DNM3: variants seen among roughly 807,000 people sequenced by gnomAD.
DNM3 encodes dynamin-3.
In DNM3, 47 loss-of-function variants were observed where a neutral mutation model predicts 101.6. That is an observed-to-expected ratio of 0.46 (90% CI 0.37 to 0.59). The LOEUF (loss-of-function observed/expected upper bound fraction) is 0.59, where lower values mean the gene tolerates loss of function less well. Ranked by LOEUF, DNM3 falls within the 20% of genes least tolerant of loss-of-function variation. The probability of loss-of-function intolerance (pLI) is 0.00; values close to 1 mark genes in which losing one functional copy is unlikely to be tolerated. For synonymous variants in DNM3, 385 were observed against 387.9 expected (o/e 0.99, Z 0.09); for missense variants, 849 against 1,085.7 (o/e 0.78, Z 3.06).
intron 2 of DNM3, among the ~76,000 whole-genome samples, chr1:171,969,175 A>G (rs2043810263): frequency 6.7e-6 from 1 of 148,180 alleles, no homozygotes; most frequent in Admixed American, 6.6e-5. Context: ...CACTCCTATA[A>G]AAAAATGACA....
chr1:172,115,236 ATTCC>A (rs2055806895), intron 13 of DNM3, among the ~76,000 whole-genome samples: 1 of 152,076 alleles, frequency 6.6e-6, no homozygotes, highest in African/African-American at 2.4e-5. Context: ...GAGAGCTCTC[ATTCC>A]TTTTTTCCCC....
chr1:172,217,372 G>C (rs2060740226), intron 14 of DNM3, among the ~76,000 whole-genome samples: 2 of 152,108 alleles, frequency 1.3e-5, no homozygotes, highest in Admixed American at 1.3e-4. Context: ...TATTGGTATG[G>C]CTGGGGCCTG....
intron 15 of DNM3, among the ~76,000 whole-genome samples, chr1:172,306,782 T>C (rs943033533): frequency 6.6e-6 from 1 of 152,202 alleles, no homozygotes; most frequent in Non-Finnish European, 1.5e-5. Flanking sequence ...GAGGAAAGGA[T>C]TCCCTATTTA....
At chr1:171,841,865 G>A in intron 1 of DNM3, 48 bp downstream of exon 1, 3 of 1,565,750 alleles carry the variant, frequency 1.9e-6, no homozygotes, top group Admixed American at 1.8e-5. Context: ...GGGCGACCCC[G>A]CTGCGGGCCG....
chr1:171,949,080 G>A (rs140952940), intron 2 of DNM3, among the ~76,000 whole-genome samples: 1 of 152,156 alleles, frequency 6.6e-6, no homozygotes, highest in African/African-American at 2.4e-5. Flanking sequence ...TCATTTTCAT[G>A]AGATAAATCA....
intron 14 of DNM3, among the ~76,000 whole-genome samples, chr1:172,196,035 T>C (rs1487757015): frequency 6.6e-6 from 1 of 151,876 alleles, no homozygotes; most frequent in Non-Finnish European, 1.5e-5. Context: ...AATAGTTATC[T>C]TTTTTGCTCA....
chr1:172,118,950 C>T (rs140324678), intron 13 of DNM3, among the ~76,000 whole-genome samples: 100 of 152,086 alleles, frequency 6.6e-4, no homozygotes, highest in African/African-American at 2.2e-3. Flanking sequence ...GTGACCCCAT[C>T]ACCTTTGGGG....
At chr1:172,169,978 G>A (rs2058891430) in intron 14 of DNM3, among the ~76,000 whole-genome samples, 1 of 151,814 alleles carries the variant, frequency 6.6e-6, no homozygotes, top group African/African-American at 2.4e-5. Context: ...GAAATCCCTT[G>A]AAGCTCTGTT....
At chr1:172,309,723 GGA>G (rs1462092336) in intron 16 of DNM3, 1 of 152,196 alleles carries the variant, frequency 6.6e-6, no homozygotes, top group Non-Finnish European at 1.5e-5. Flanking sequence ...TTCAAAATAG[GGA>G]GAGAGTCTTT....
At chr1:171,911,374 G>A (rs967425027) in intron 1 of DNM3, among the ~76,000 whole-genome samples, 3 of 140,206 alleles carry the variant, frequency 2.1e-5, no homozygotes, top group African/African-American at 8.0e-5. Context: ...TCCACCTCCC[G>A]GGTTCAAGTG....
chr1:172,027,194 G>C (rs2048265762), intron 4 of DNM3, among the ~76,000 whole-genome samples: 1 of 152,076 alleles, frequency 6.6e-6, no homozygotes, highest in African/African-American at 2.4e-5. Flanking sequence ...TCAAATTACA[G>C]GCAAAATAGC....
At chr1:172,015,982 C>T (rs1462089719) in intron 4 of DNM3, among the ~76,000 whole-genome samples, 7 of 149,306 alleles carry the variant, frequency 4.7e-5, no homozygotes, top group African/African-American at 1.7e-4. Context: ...TTGAGAGCAG[C>T]GTGGCCAACA....
At chr1:172,108,576 G>T (rs376677925) in intron 13 of DNM3, among the ~76,000 whole-genome samples, 1 of 152,154 alleles carries the variant, frequency 6.6e-6, no homozygotes, top group Non-Finnish European at 1.5e-5. Context: ...ATGTAAACAT[G>T]TGGAGCATTC....
At position 172,131,308 on chromosome 1, in the gene DNM3, A is replaced by G. The variant is rs750437945; in HGVS notation, c.1659+20A>G. 1.2e-6 allele frequency: 2 copies of G among 1,601,546 alleles called. No individual in the cohort carries two copies. The highest frequency in any genetic ancestry group is 1.1e-5 in the South Asian group (1 of 90,432). The stretch of plus-strand genomic sequence containing the variant: ...GATGAGGTAAGTCACAGAGAGTGAT[A>G]AAGTTTTCTTGTTAAAGTATTTCTC... On this transcript the variant is annotated intron_variant, in intron 14 of 20. Transcript: ENST00000627582.
chr1:171,854,739 G>A (rs1342395353), intron 1 of DNM3, among the ~76,000 whole-genome samples: 1 of 151,470 alleles, frequency 6.6e-6, no homozygotes, highest in Non-Finnish European at 1.5e-5. Context: ...AGCATGCCAG[G>A]CTAATTTTTT....
intron 7 of DNM3, among the ~76,000 whole-genome samples, chr1:172,039,332 T>A (rs1324484212): frequency 6.6e-6 from 1 of 152,160 alleles, no homozygotes. Context: ...ATCCTTCAAT[T>A]GGCATTCAAA....
intron 14 of DNM3, among the ~76,000 whole-genome samples, chr1:172,219,262 T>C (rs2060815748): frequency 6.6e-6 from 1 of 150,778 alleles, no homozygotes; most frequent in African/African-American, 2.4e-5. Flanking sequence ...TTCAGGAAGC[T>C]GATGTGAGAA....
rs568564413 is a variant in DNM3, at chr1:172,382,153, G to A, written c.2058+2971G>A. The stretch of plus-strand genomic sequence containing the variant: ...AGCCTTTGTCTATTGAAATGCAGCA[G>A]CTGTTTCATTACTTAAACATACCAG... On this transcript the variant is annotated intron_variant, in intron 18 of 20. Coordinates refer to ENST00000627582, the MANE Select transcript of DNM3 (RefSeq NM_015569.5). 1.2e-4 allele frequency among the ~76,000 whole-genome samples: 19 copies of A among 152,278 alleles called. No homozygotes were observed. In the South Asian group the frequency reaches 3.1e-3, roughly 25 times the overall value.
chr1:171,879,210 G>A (rs1416909880), intron 1 of DNM3, among the ~76,000 whole-genome samples: 2 of 152,120 alleles, frequency 1.3e-5, no homozygotes, highest in East Asian at 3.8e-4. Flanking sequence ...AAGAAGCAAG[G>A]GCTGGAAGAA....
Sources: gnomAD v4.1 joint callset for allele counts (sites outside exome capture counted in the v4.1 genomes callset) on GRCh38, gnomAD v4.1.1 for gene constraint, MANE v1.5 for transcripts, NCBI Gene and HGNC (gene_info 2026-07-23, HGNC 2026-07-21) for gene names.